The following CDKAL1 variants were observed in gnomAD, a reference collection of about 807,000 sequenced individuals.
The protein encoded by CDKAL1 is threonylcarbamoyladenosine tRNA methylthiotransferase.
A neutral mutation model predicts 68.2 loss-of-function variants in CDKAL1; 32 were observed. The ratio of observed to expected loss-of-function variants is 0.47; its 90% CI spans 0.35 to 0.63. The LOEUF is 0.63. Ranked by LOEUF, CDKAL1 falls within the 30% of genes least tolerant of loss-of-function variation. The pLI, the probability that CDKAL1 is intolerant of heterozygous loss-of-function variation, is 0.00. For missense variants in CDKAL1, 606 were observed against 696.7 expected, an observed-to-expected ratio of 0.87 and a Z score of 1.47; for synonymous variants, 234 against 244.3, an observed-to-expected ratio of 0.96 and a Z score of 0.39.
intron 7 of CDKAL1, among the ~76,000 whole-genome samples, chr6:20,761,537 A>G (rs1244269731): frequency 6.6e-6 from 1 of 152,224 alleles, no homozygotes; most frequent in Non-Finnish European, 1.5e-5. Flanking sequence ...TTAGTAAGTA[A>G]ATAGATAAAG....
intron 13 of CDKAL1, among the ~76,000 whole-genome samples, chr6:21,158,367 C>T (rs1165666605): frequency 6.6e-6 from 1 of 152,188 alleles, no homozygotes; most frequent in Non-Finnish European, 1.5e-5. Context: ...TCAATTTTGT[C>T]CTGTCACTCC....
At chr6:20,687,812 C>T (rs1466616279) in intron 5 of CDKAL1, among the ~76,000 whole-genome samples, 2 of 152,156 alleles carry the variant, frequency 1.3e-5, no homozygotes, top group East Asian at 3.9e-4. Flanking sequence ...AGGCATGAGC[C>T]ACCTTGCCCT....
intron 4 of CDKAL1, among the ~76,000 whole-genome samples, chr6:20,576,045 T>C (rs1764894215): frequency 6.6e-6 from 1 of 152,212 alleles, no homozygotes; most frequent in African/African-American, 2.4e-5. Context: ...GACTTAGCTA[T>C]AGACATATAT....
intron 6 of CDKAL1, among the ~76,000 whole-genome samples, chr6:20,752,302 A>G (rs1343898651): frequency 3.9e-5 from 6 of 151,952 alleles, no homozygotes; most frequent in Non-Finnish European, 7.4e-5. Context: ...GTTCCCACAC[A>G]CCATCCAGTG....
At chr6:20,618,007 T>C (rs934832742) in intron 4 of CDKAL1, among the ~76,000 whole-genome samples, 2 of 152,208 alleles carry the variant, frequency 1.3e-5, no homozygotes, top group African/African-American at 2.4e-5. Flanking sequence ...TCTTCCACAA[T>C]GGTTGAACTA....
intron 6 of CDKAL1, among the ~76,000 whole-genome samples, chr6:20,746,297 CT>C (rs1214383594): frequency 1.3e-5 from 2 of 152,136 alleles, no homozygotes; most frequent in African/African-American, 4.8e-5. Flanking sequence ...CATGTAACTT[CT>C]GTTGAAAGGG....
intron 4 of CDKAL1, among the ~76,000 whole-genome samples, chr6:20,598,738 T>G: frequency 6.6e-6 from 1 of 152,216 alleles, no homozygotes; most frequent in East Asian, 1.9e-4. Context: ...CTACATGCTA[T>G]AAGATTTCTG....
chr6:21,162,662 C>T (rs537303623), intron 13 of CDKAL1, among the ~76,000 whole-genome samples: 65 of 152,320 alleles, frequency 4.3e-4, no homozygotes, highest in African/African-American at 1.4e-3. Context: ...CAGTAGCTGA[C>T]GCCTGTAATC....
At position 20,645,728 on chromosome 6, in the gene CDKAL1, TCAAA is replaced by T. The variant is rs902323638; in HGVS notation, c.287-3564_287-3561del. On this transcript the variant is annotated intron_variant, in intron 4 of 15. Transcript: ENST00000274695. ...CCTGGTGACAGAGTGAGACTCTGTC[TCAAA>T]TAAATAAATAAATAAATAAATAAAA... is the stretch of plus-strand genomic sequence containing the variant. 5.5e-4 allele frequency among the ~76,000 whole-genome samples: 82 copies of T among 150,352 alleles called. 1 individual carries two copies. The highest frequency in any genetic ancestry group is 1.9e-3 in the Admixed American group (29 of 15,062).
intron 13 of CDKAL1, among the ~76,000 whole-genome samples, chr6:21,110,216 G>A (rs1439579382): frequency 6.6e-6 from 1 of 152,202 alleles, no homozygotes; most frequent in Non-Finnish European, 1.5e-5. Context: ...TGGATGTACA[G>A]TAGTGAAGGA....
At chr6:21,030,271 C>T (rs1206286705) in intron 11 of CDKAL1, among the ~76,000 whole-genome samples, 1 of 152,054 alleles carries the variant, frequency 6.6e-6, no homozygotes, top group African/African-American at 2.4e-5. Flanking sequence ...GGAAGTTGAA[C>T]AATAAGTTGA....
intron 9 of CDKAL1, among the ~76,000 whole-genome samples, chr6:20,928,549 T>A (rs1763282408): frequency 6.6e-6 from 1 of 152,212 alleles, no homozygotes; most frequent in South Asian, 2.1e-4. Context: ...TGATCTGATC[T>A]AAGATCTTTA....
At chr6:20,583,326 T>G (rs1165649433) in intron 4 of CDKAL1, among the ~76,000 whole-genome samples, 1 of 152,248 alleles carries the variant, frequency 6.6e-6, no homozygotes, top group Non-Finnish European at 1.5e-5. Context: ...AGTATTGATG[T>G]CTTCAGTATC....
intron 9 of CDKAL1, among the ~76,000 whole-genome samples, chr6:20,937,341 G>A (rs1158330719): frequency 6.6e-6 from 1 of 152,156 alleles, no homozygotes; most frequent in African/African-American, 2.4e-5. Flanking sequence ...TCCCTCCTTG[G>A]CCTCCCAAAG....
rs749157117 is a variant in CDKAL1, at chr6:21,072,554, C to CCAA, written c.1236+7326_1236+7327insCAA. Among the ~76,000 whole-genome samples the CCAA allele has an allele frequency of 2.2e-4, 10 of 44,486 alleles. 1 individual carries two copies. The highest frequency in any genetic ancestry group is 8.5e-4 in the African/African-American group (10 of 11,790). The allele number at this position is 44,486 out of a possible 152,430, so 29.2% of individuals were successfully genotyped here. A position where few individuals can be genotyped will look rare whatever the true frequency, so the allele number is the denominator to read the frequency against. ...TGGGCGACTGAGCGAGACTCCGTCT[C>CCAA]AAAAAAAAAAAAAAAAAAAAAAAAA... On this transcript the variant is annotated intron_variant, in intron 12 of 15. Coordinates refer to ENST00000274695, the MANE Select transcript of CDKAL1 (RefSeq NM_017774.3).
chr6:20,670,708 C>G lies in CDKAL1; in HGVS notation c.371+21331C>G, dbSNP rs143178660. Among the ~76,000 whole-genome samples, 912 of 152,202 alleles carry G rather than the reference C, an allele frequency of 6.0e-3. 6 individuals carry two copies. The highest frequency in any genetic ancestry group is 0.021 in the African/African-American group (874 of 41,534). ...TTATTTATTCTGTAGGTCATAATGT[C>G]ATAGAATAAATATACAGAATTCTCT... On this transcript the variant is annotated intron_variant, in intron 5 of 15. Coordinates refer to ENST00000274695, the MANE Select transcript of CDKAL1 (RefSeq NM_017774.3).
chr6:21,024,260 G>GACCTATTAA (rs1191177248), intron 11 of CDKAL1, among the ~76,000 whole-genome samples: 2 of 152,184 alleles, frequency 1.3e-5, no homozygotes, highest in Non-Finnish European at 2.9e-5. Context: ...CCTGTGCAAT[G>GACCTATTAA]TTGACCTATT....
chr6:21,231,171 T>G lies in CDKAL1; in HGVS notation c.*132T>G. ...GTCATGCTGCCTCCTTCTCAGCCACTCTTCTTAATGAGGCTCCCCCTGTCT... is the reference window on the plus strand; with the variant it reads ...GTCATGCTGCCTCCTTCTCAGCCACGCTTCTTAATGAGGCTCCCCCTGTCT... On this transcript the variant is annotated 3_prime_UTR_variant, in exon 16 of 16. Transcript: ENST00000274695. 1 of 625,732 alleles carries G rather than the reference T, an allele frequency of 1.6e-6. No homozygotes were observed. The allele number at this position is 625,732 out of a possible 1,614,324, so 38.8% of individuals were successfully genotyped here. A position where few individuals can be genotyped will look rare whatever the true frequency, so the allele number is the denominator to read the frequency against.
intron 8 of CDKAL1, among the ~76,000 whole-genome samples, chr6:20,801,357 A>T (rs1776356655): frequency 1.3e-5 from 2 of 152,228 alleles, no homozygotes; most frequent in African/African-American, 4.8e-5. Flanking sequence ...TTATTATGAA[A>T]AATTTCAAAT....
Sources: gnomAD v4.1 joint callset for allele counts (sites outside exome capture counted in the v4.1 genomes callset) on GRCh38, gnomAD v4.1.1 for gene constraint, MANE v1.5 for transcripts, NCBI Gene and HGNC (gene_info 2026-07-23, HGNC 2026-07-21) for gene names.